H1-2: variants seen among roughly 807,000 people sequenced by gnomAD.
H1-2 encodes H1.2 linker histone, cluster member.
H1-2 carries 7 observed loss-of-function variants against 7.2 expected under a neutral mutation model. The observed-to-expected ratio is 0.97, with a 90% CI of 0.55 to 1.82. The LOEUF (loss-of-function observed/expected upper bound fraction) is 1.82, where lower values mean the gene tolerates loss of function less well. Among genes scored for constraint, H1-2 ranks in the 40% most tolerant of loss-of-function variants. The pLI is 0.00. For synonymous variants in H1-2, 300 were observed against 118.2 expected (o/e 2.54, Z -9.98); for missense variants, 703 against 276.6 (o/e 2.54, Z -10.94).
chr6:26,056,297 G>A lies in H1-2; in HGVS notation c.132C>T (p.Ile44=), dbSNP rs1458511417. The change falls in exon 1 of 1, where the codon ATC becomes ATT. Residue 44 remains isoleucine, a synonymous_variant. Coordinates refer to ENST00000343677, the MANE Select transcript of H1-2 (RefSeq NM_005319.4). ...CTTTAGAGGCGGCCACAGCCTTGGT[G>A]ATGAGCTCTGACACCGGGGGACCAG... is the stretch of plus-strand genomic sequence containing the variant. ...KASGPPVSEL[I]TKAVAASKER... is the part of the protein sequence containing the mutation. 4 of 1,614,036 alleles carry A rather than the reference G, an allele frequency of 2.5e-6. No homozygotes were observed. Among genetic ancestry groups the A allele is most frequent in the Admixed American group, 1.7e-5 (1 of 60,002 alleles).
Position 26,056,363 on chromosome 6 carries a change from C to G in H1-2, c.66G>C (p.Lys22Asn), listed in dbSNP as rs759536174. ...APPAEKAPVK[K>N]KAAKKAGGTP... ...TACCCCCAGCCTTTTTGGCCGCCTT[C>G]TTCTTTACAGGGGCCTTCTCCGCAG... The change falls in exon 1 of 1, where the codon AAG (lysine) becomes AAC (asparagine). Residue 22 changes from lysine (K) to asparagine (N), a missense_variant. By Grantham distance (94) the Lys-to-Asn change is moderately conservative. Coordinates refer to ENST00000343677, the MANE Select transcript of H1-2 (RefSeq NM_005319.4). 1.2e-6 allele frequency: 2 copies of G among 1,613,432 alleles called. No individual in the cohort carries two copies. The highest frequency in any genetic ancestry group is 8.5e-7 in the Non-Finnish European group (1 of 1,179,746).
Position 26,055,846 on chromosome 6 carries a change from G to A in H1-2, c.583C>T (p.Pro195Ser), listed in dbSNP as rs769915393. The A allele has an allele frequency of 9.3e-6, 15 of 1,613,724 alleles. No homozygotes were observed. The highest frequency in any genetic ancestry group is 1.3e-5 in the Non-Finnish European group (15 of 1,179,868). The change falls in exon 1 of 1, where the codon CCC (proline) becomes TCC (serine). Residue 195 changes from proline to serine, a missense_variant. Coordinates refer to ENST00000343677, the MANE Select transcript of H1-2 (RefSeq NM_005319.4). Reference protein sequence around the residue: ...AAKSAAKAVKPKAAKPKVVKP... With the variant: ...AAKSAAKAVKSKAAKPKVVKP... ...ACAACCTTGGGCTTAGCGGCCTTGGGCTTCACAGCCTTAGCAGCACTTTTG... is the reference window on the plus strand; with the variant it reads ...ACAACCTTGGGCTTAGCGGCCTTGGACTTCACAGCCTTAGCAGCACTTTTG...
rs753784440 is a variant in H1-2 at position 26,056,345 on chromosome 6, A to T, written c.84T>A (p.Ala28=). Reference sequence around the variant, plus strand: ...CAGACGCCTTACGAGGCGTACCCCCAGCCTTTTTGGCCGCCTTCTTCTTTA... The same window carrying T: ...CAGACGCCTTACGAGGCGTACCCCCTGCCTTTTTGGCCGCCTTCTTCTTTA... ...APVKKKAAKK[A]GGTPRKASGP... Residue 28 remains alanine (A), a synonymous_variant, in exon 1 of 1, where the codon GCT becomes GCA. Coordinates refer to ENST00000343677, the MANE Select transcript of H1-2 (RefSeq NM_005319.4). 1 of 1,613,736 alleles carries T rather than the reference A, an allele frequency of 6.2e-7. No homozygotes were observed. The highest frequency in any genetic ancestry group is 8.5e-7 in the Non-Finnish European group (1 of 1,179,900).
chr6:26,056,306 T>C lies in H1-2; in HGVS notation c.123A>G (p.Ser41=), dbSNP rs1761924983. The change falls in exon 1 of 1, where the codon TCA becomes TCG. Residue 41 remains serine, a synonymous_variant. Coordinates refer to ENST00000343677, the MANE Select transcript of H1-2 (RefSeq NM_005319.4). ...TPRKASGPPV[S]ELITKAVAAS... is the part of the protein sequence containing the mutation. ...CGGCCACAGCCTTGGTGATGAGCTC[T>C]GACACCGGGGGACCAGACGCCTTAC... The C allele has an allele frequency of 3.1e-6, 5 of 1,614,026 alleles. No individual in the cohort carries two copies. In the East Asian group the frequency reaches 6.7e-5, roughly 22 times the overall value.
In H1-2 at chr6:26,056,167, C is replaced by A. The variant is rs749425822; in HGVS notation, c.262G>T (p.Val88Leu). 2 of 1,614,244 alleles carry A rather than the reference C, an allele frequency of 1.2e-6. No homozygotes were observed. The highest frequency in any genetic ancestry group is 1.7e-6 in the Non-Finnish European group (2 of 1,180,038). ...SRIKLGLKSL[V>L]SKGTLVQTKG... ...GTTTGCACCAGAGTGCCCTTGCTCACCAGGCTCTTGAGACCAAGTTTGATA... is the reference window on the plus strand; with the variant it reads ...GTTTGCACCAGAGTGCCCTTGCTCAACAGGCTCTTGAGACCAAGTTTGATA... Residue 88 changes from valine (V) to leucine (L), a missense_variant, in exon 1 of 1, where the codon GTG becomes TTG. Transcript: ENST00000343677.
Position 26,056,283 on chromosome 6 carries a change from G to C in H1-2, c.146C>G (p.Ala49Gly), listed in dbSNP as rs781230949. 1 of 1,614,244 alleles carries C rather than the reference G, an allele frequency of 6.2e-7. No individual in the cohort carries two copies. The highest frequency in any genetic ancestry group is 1.1e-5 in the South Asian group (1 of 91,090). The change falls in exon 1 of 1, where the codon GCC (alanine) becomes GGC (glycine). Residue 49 changes from alanine (A) to glycine (G), a missense_variant. Transcript: ENST00000343677. ...AACTCCGCTACGCTCTTTAGAGGCGGCCACAGCCTTGGTGATGAGCTCTGA... is the reference window on the plus strand; with the variant it reads ...AACTCCGCTACGCTCTTTAGAGGCGCCCACAGCCTTGGTGATGAGCTCTGA... ...PVSELITKAV[A>G]ASKERSGVSL... is the part of the protein sequence containing the mutation.
rs762529657 is a variant in H1-2, at chr6:26,055,897, T to C, written c.532A>G (p.Lys178Glu). 3.1e-6 allele frequency: 5 copies of C among 1,614,196 alleles called. No homozygotes were observed. The highest frequency in any genetic ancestry group is 4.5e-5 in the East Asian group (2 of 44,870). The change falls in exon 1 of 1, where the codon AAG becomes GAG. Residue 178 changes from lysine to glutamate, a missense_variant. Lys to Glu is a moderately conservative substitution (Grantham distance 56). Coordinates refer to ENST00000343677, the MANE Select transcript of H1-2 (RefSeq NM_005319.4). ...KKVAKSPKKA[K>E]VAKPKKAAKS... ...GCAGCTTTCTTGGGCTTCGCAACCT[T>C]GGCCTTCTTTGGGCTCTTAGCCACT...
chr6:26,056,187 T>C lies in H1-2; in HGVS notation c.242A>G (p.Lys81Arg). The change falls in exon 1 of 1, where the codon AAA becomes AGA. Residue 81 changes from lysine (K) to arginine (R), a missense_variant. By Grantham distance (26) the Lys-to-Arg change is conservative. Transcript: ENST00000343677. ...GCTCACCAGGCTCTTGAGACCAAGTTTGATACGGCTGTTGTTTTTCTCCAC... is the reference window on the plus strand; with the variant it reads ...GCTCACCAGGCTCTTGAGACCAAGTCTGATACGGCTGTTGTTTTTCTCCAC... The part of the protein sequence containing the change: ...YDVEKNNSRI[K>R]LGLKSLVSKG... 1.9e-6 allele frequency: 3 copies of C among 1,614,252 alleles called. No individual in the cohort carries two copies. Among genetic ancestry groups the C allele is most frequent in the Non-Finnish European group, 2.5e-6 (3 of 1,180,042 alleles).
At position 26,056,453 on chromosome 6, in the gene H1-2, A is replaced by C. The variant is rs1266209532; in HGVS notation, c.-25T>G. 4 of 1,545,560 alleles carry C rather than the reference A, an allele frequency of 2.6e-6. No homozygotes were observed. Among genetic ancestry groups the C allele is most frequent in the South Asian group, 1.3e-5 (1 of 79,676 alleles). ...TGTTGAGAATCAAAAACTCGGGTAC[A>C]AGTGGCAAAGCGCCGATGAAGCAGC... On this transcript the variant is annotated 5_prime_UTR_variant, in exon 1 of 1. Transcript: ENST00000343677.
chr6:26,056,382 T>A lies in H1-2; in HGVS notation c.47A>T (p.Glu16Val). The change falls in exon 1 of 1, where the codon GAG (glutamate) becomes GTG (valine). Residue 16 changes from glutamate (E) to valine (V), a missense_variant. Glu to Val is a moderately radical substitution (Grantham distance 121). Coordinates refer to ENST00000343677, the MANE Select transcript of H1-2 (RefSeq NM_005319.4). ...PAAPAAAPPA[E>V]KAPVKKKAAK... Reference sequence around the variant, plus strand: ...CGCCTTCTTCTTTACAGGGGCCTTCTCCGCAGGAGGCGCGGCAGCGGGAGC... The same window carrying A: ...CGCCTTCTTCTTTACAGGGGCCTTCACCGCAGGAGGCGCGGCAGCGGGAGC... The A allele has an allele frequency of 2.5e-6, 4 of 1,605,368 alleles. No homozygotes were observed. The highest frequency in any genetic ancestry group is 3.3e-4 in the Middle Eastern group (2 of 5,988).
rs757844131 is a variant in H1-2 at position 26,055,933 on chromosome 6, C to G, written c.496G>C (p.Val166Leu). The G allele has an allele frequency of 1.2e-6, 2 of 1,614,146 alleles. No individual in the cohort carries two copies. Among genetic ancestry groups the G allele is most frequent in the South Asian group, 1.1e-5 (1 of 91,086 alleles). The change falls in exon 1 of 1, where the codon GTA (valine) becomes CTA (leucine). Residue 166 changes from valine (V) to leucine (L), a missense_variant. Coordinates refer to ENST00000343677, the MANE Select transcript of H1-2 (RefSeq NM_005319.4). ...GGGCTCTTAGCCACTTTCTTGGTTA[C>G]AGTGGCCGCGGCCGGCTTCTTCGCT... The part of the protein sequence containing the change: ...KKAKKPAAAT[V>L]TKKVAKSPKK...
At position 26,056,032 on chromosome 6, in the gene H1-2, C is replaced by A. The variant is rs1315095528; in HGVS notation, c.397G>T (p.Gly133Trp). ...GCCTTCTTGGGCTTCTTGGCTGCCC[C>A]AACTGGCTTCTTAGGTTTGGTTCCG... ...AGGTKPKKPV[G>W]AAKKPKKAAG... Residue 133 changes from glycine to tryptophan, a missense_variant, in exon 1 of 1, where the codon GGG becomes TGG. Physicochemically the swap from Gly to Trp is radical, Grantham distance 184 (BLOSUM62 -2). Transcript: ENST00000343677. 4 of 1,613,976 alleles carry A rather than the reference C, an allele frequency of 2.5e-6. No homozygotes were observed. The highest frequency in any genetic ancestry group is 3.4e-6 in the Non-Finnish European group (4 of 1,180,038).
In H1-2 at chr6:26,056,160, T is replaced by G. The variant is rs1399375725; in HGVS notation, c.269A>C (p.Lys90Thr). The G allele has an allele frequency of 6.2e-7, 1 of 1,614,254 alleles. No individual in the cohort carries two copies. The highest frequency in any genetic ancestry group is 1.3e-5 in the African/African-American group (1 of 75,066). Residue 90 changes from lysine to threonine, a missense_variant, in exon 1 of 1, where the codon AAG (lysine) becomes ACG (threonine). Physicochemically the swap from Lys to Thr is moderately conservative, Grantham distance 78. Transcript: ENST00000343677. ...GCCTTTCGTTTGCACCAGAGTGCCC[T>G]TGCTCACCAGGCTCTTGAGACCAAG... ...IKLGLKSLVS[K>T]GTLVQTKGTG...
chr6:26,056,001 C>T lies in H1-2; in HGVS notation c.428G>A (p.Gly143Asp), dbSNP rs768727221. The change falls in exon 1 of 1, where the codon GGC (glycine) becomes GAC (aspartate). Residue 143 changes from glycine to aspartate, a missense_variant. Gly to Asp is a moderately conservative substitution (Grantham distance 94). Transcript: ENST00000343677. ...GAAKKPKKAAGGATPKKSAKK... is the reference protein window; with the variant it reads ...GAAKKPKKAADGATPKKSAKK... ...AGCGCTCTTCTTCGGAGTTGCGCCG[C>T]CAGCCGCCTTCTTGGGCTTCTTGGC... The T allele has an allele frequency of 2.5e-6, 4 of 1,614,014 alleles. No homozygotes were observed. Among genetic ancestry groups the T allele is most frequent in the Middle Eastern group, 1.7e-4 (1 of 5,986 alleles).
In H1-2 at chr6:26,055,858, T is replaced by C. The variant is rs1561926954; in HGVS notation, c.571A>G (p.Lys191Glu). Residue 191 changes from lysine (K) to glutamate (E), a missense_variant, in exon 1 of 1, where the codon AAG becomes GAG. By Grantham distance (56) the Lys-to-Glu change is moderately conservative. Coordinates refer to ENST00000343677, the MANE Select transcript of H1-2 (RefSeq NM_005319.4). ...KPKKAAKSAA[K>E]AVKPKAAKPK... is the part of the protein sequence containing the mutation. ...TTAGCGGCCTTGGGCTTCACAGCCTTAGCAGCACTTTTGGCAGCTTTCTTG... is the reference window on the plus strand; with the variant it reads ...TTAGCGGCCTTGGGCTTCACAGCCTCAGCAGCACTTTTGGCAGCTTTCTTG... 3.1e-6 allele frequency: 5 copies of C among 1,614,156 alleles called. No homozygotes were observed. Among genetic ancestry groups the C allele is most frequent in the Non-Finnish European group, 4.2e-6 (5 of 1,179,970 alleles).
rs2113701572 is a variant in H1-2 at position 26,056,081 on chromosome 6, G to A, written c.348C>T (p.Ala116=). The change falls in exon 1 of 1, where the codon GCC becomes GCT. Residue 116 remains alanine, a synonymous_variant. Coordinates refer to ENST00000343677, the MANE Select transcript of H1-2 (RefSeq NM_005319.4). The part of the protein sequence containing the change: ...KLNKKAASGE[A]KPKVKKAGGT... ...CGCCCGCCTTTTTAACCTTGGGCTTGGCTTCCCCGGAGGCTGCCTTCTTGT... is the reference window on the plus strand; with the variant it reads ...CGCCCGCCTTTTTAACCTTGGGCTTAGCTTCCCCGGAGGCTGCCTTCTTGT... 3 of 1,614,166 alleles carry A rather than the reference G, an allele frequency of 1.9e-6. No individual in the cohort carries two copies. The highest frequency in any genetic ancestry group is 1.1e-5 in the South Asian group (1 of 91,086).
chr6:26,056,301 A>C lies in H1-2; in HGVS notation c.128T>G (p.Leu43Arg), dbSNP rs773717775. ...AGAGGCGGCCACAGCCTTGGTGATG[A>C]GCTCTGACACCGGGGGACCAGACGC... ...RKASGPPVSELITKAVAASKE... is the reference protein window; with the variant it reads ...RKASGPPVSERITKAVAASKE... Residue 43 changes from leucine to arginine, a missense_variant, in exon 1 of 1, where the codon CTC becomes CGC. By Grantham distance (102) the Leu-to-Arg change is moderately radical. Coordinates refer to ENST00000343677, the MANE Select transcript of H1-2 (RefSeq NM_005319.4). The C allele has an allele frequency of 1.2e-6, 2 of 1,614,070 alleles. No homozygotes were observed. The highest frequency in any genetic ancestry group is 3.3e-5 in the Admixed American group (2 of 60,016).
chr6:26,055,811 C>CTTA lies in H1-2; in HGVS notation c.615_617dup (p.Pro205_Lys206insAsn), dbSNP rs751264689. 2.7e-5 allele frequency: 44 copies of CTTA among 1,600,908 alleles called. No individual in the cohort carries two copies. Among genetic ancestry groups the CTTA allele is most frequent in the Non-Finnish European group, 3.6e-5 (42 of 1,176,434 alleles). ...CCTATTTCTTCTTGGGCGCCGCCTT[C>CTTA]TTAGGCTTGACAACCTTGGGCTTAG... On this transcript the variant is annotated inframe_insertion, in exon 1 of 1. Transcript: ENST00000343677.
rs956430311 is a variant in H1-2 at position 26,056,438 on chromosome 6, C to T, written c.-10G>A. The T allele has an allele frequency of 7.7e-6, 12 of 1,559,372 alleles. No homozygotes were observed. The highest frequency in any genetic ancestry group is 9.5e-6 in the Non-Finnish European group (11 of 1,157,410). On this transcript the variant is annotated 5_prime_UTR_variant, in exon 1 of 1. Transcript: ENST00000343677. ...GAGCAGTCTCGGACATGTTGAGAAT[C>T]AAAAACTCGGGTACAAGTGGCAAAG...
Sources: allele counts gnomAD v4.1 joint callset, GRCh38; gene constraint gnomAD v4.1.1; transcripts MANE v1.5; gene names NCBI Gene and HGNC (gene_info 2026-07-23, HGNC 2026-07-21).